ALMS1: variants seen among roughly 807,000 people sequenced by gnomAD.
ALMS1 encodes the protein ALMS1 centrosome and basal body associated protein.
A neutral mutation model predicts 352.2 loss-of-function variants in ALMS1; 271 were observed. The ratio of observed to expected loss-of-function variants is 0.77; its 90% CI spans 0.70 to 0.85. The LOEUF is 0.85. Among genes scored for constraint, ALMS1 ranks in the 40% least tolerant of loss-of-function variants. The probability of loss-of-function intolerance (pLI) is 0.00; values close to 1 mark genes in which losing one functional copy is unlikely to be tolerated. For synonymous variants in ALMS1, 1,865 were observed against 1,761.2 expected, an observed-to-expected ratio of 1.06 and a Z score of -1.48; for missense variants, 5,445 against 4,870.7, an observed-to-expected ratio of 1.12 and a Z score of -3.51.
At chr2:73,402,808 G>A (rs1056871078) in intron 1 of ALMS1, among the ~76,000 whole-genome samples, 1 of 151,948 alleles carries the variant, frequency 6.6e-6, no homozygotes, top group African/African-American at 2.4e-5. Context: ...ATGCTGATTG[G>A]CCATTTTTCT....
At position 73,428,769 on chromosome 2, in the gene ALMS1, A is replaced by G. The variant is rs144089751; in HGVS notation, c.1338+2216A>G. On this transcript the variant is annotated intron_variant, in intron 6 of 22. Transcript: ENST00000613296. ...TAGATCTAGGAGTTATTTAATGTCA[A>G]TATCAGAAAAGCAAGGAGCCAGATG... is the stretch of plus-strand genomic sequence containing the variant. Among the ~76,000 whole-genome samples, 22 of 152,270 alleles carry G rather than the reference A, an allele frequency of 1.4e-4. No homozygotes were observed. In the East Asian group the frequency reaches 3.9e-3, roughly 27 times the overall value.
rs1348825012 is a variant in ALMS1, at chr2:73,392,476, T to G, written c.324+6284T>G. Among the ~76,000 whole-genome samples, 5 of 152,322 alleles carry G rather than the reference T, an allele frequency of 3.3e-5. No homozygotes were observed. In the East Asian group the frequency reaches 9.6e-4, roughly 29 times the overall value. On this transcript the variant is annotated intron_variant, in intron 1 of 22. Coordinates refer to ENST00000613296, the MANE Select transcript of ALMS1 (RefSeq NM_001378454.1). The stretch of plus-strand genomic sequence containing the variant: ...GGTCAATTTTAGAACATTTTATCAC[T>G]TCTAAAAGAAACCCCATACACTTTA...
At chr2:73,553,709 GA>G (rs1674486419) in intron 13 of ALMS1, among the ~76,000 whole-genome samples, 1 of 152,126 alleles carries the variant, frequency 6.6e-6, no homozygotes, top group South Asian at 2.1e-4. Flanking sequence ...TAATCACTCA[GA>G]CCATTATTTA....
At chr2:73,589,700 A>C (rs1675384769) in intron 16 of ALMS1, among the ~76,000 whole-genome samples, 1 of 152,240 alleles carries the variant, frequency 6.6e-6, no homozygotes, top group South Asian at 2.1e-4. Flanking sequence ...AAGTATATCT[A>C]ATCACATAAT....
In ALMS1 at chr2:73,449,536, C is replaced by T. The variant is rs1572933379; in HGVS notation, c.3009C>T (p.Phe1003=). 6 of 1,613,934 alleles carry T rather than the reference C, an allele frequency of 3.7e-6. No homozygotes were observed. In the Admixed American group the frequency reaches 5.0e-5, roughly 13 times the overall value. The change falls in exon 8 of 23, where the codon TTC becomes TTT. Residue 1003 remains phenylalanine, a synonymous_variant. Transcript: ENST00000613296. ...CACCAACAGTACCTTCAGGTTCCTTCTCACATAGAGAGAAGCCCAGTATTT... is the reference window on the plus strand; with the variant it reads ...CACCAACAGTACCTTCAGGTTCCTTTTCACATAGAGAGAAGCCCAGTATTT... ...VPTPTVPSGS[F]SHREKPSIFY... is the part of the protein sequence containing the mutation.
intron 2 of ALMS1, among the ~76,000 whole-genome samples, chr2:73,412,248 C>G (rs1671093543): frequency 6.6e-6 from 1 of 152,192 alleles, no homozygotes; most frequent in African/African-American, 2.4e-5. Flanking sequence ...CCTTTGTAGT[C>G]AGTCACTTCC....
At chr2:73,520,514 C>T (rs1673654227) in intron 11 of ALMS1, among the ~76,000 whole-genome samples, 1 of 152,186 alleles carries the variant, frequency 6.6e-6, no homozygotes, top group East Asian at 1.9e-4. Flanking sequence ...AGGTTGTCTT[C>T]TTGCTCTGTT....
At chr2:73,604,086 A>G (rs1425771294) in intron 21 of ALMS1, 1 of 152,168 alleles carries the variant, frequency 6.6e-6, no homozygotes, top group Non-Finnish European at 1.5e-5. Context: ...GCCTATGTAG[A>G]TGTGTGTACT....
intron 7 of ALMS1, among the ~76,000 whole-genome samples, chr2:73,438,701 A>G (rs918747769): frequency 1.3e-5 from 2 of 152,256 alleles, no homozygotes; most frequent in African/African-American, 4.8e-5. Context: ...ATGGTACCTC[A>G]TGGAATACAA....
At chr2:73,439,078 T>C (rs1671663697) in intron 7 of ALMS1, among the ~76,000 whole-genome samples, 2 of 150,988 alleles carry the variant, frequency 1.3e-5, no homozygotes, top group South Asian at 4.2e-4. Flanking sequence ...TCTTCCTCTT[T>C]TTTCTTCTTT....
At chr2:73,527,707 A>C (rs1673821806) in intron 11 of ALMS1, among the ~76,000 whole-genome samples, 1 of 152,094 alleles carries the variant, frequency 6.6e-6, no homozygotes, top group African/African-American at 2.4e-5. Context: ...TCAACAAACA[A>C]ACTTTTTGTT....
Position 73,386,085 on chromosome 2 carries a change from G to C in ALMS1, c.217G>C (p.Asp73His). The C allele has an allele frequency of 6.3e-7, 1 of 1,596,860 alleles. No homozygotes were observed. The highest frequency in any genetic ancestry group is 8.5e-7 in the Non-Finnish European group (1 of 1,172,180). The change falls in exon 1 of 23, where the codon GAC (aspartate) becomes CAC (histidine). Residue 73 changes from aspartate to histidine, a missense_variant. Coordinates refer to ENST00000613296, the MANE Select transcript of ALMS1 (RefSeq NM_001378454.1). The part of the protein sequence containing the change: ...QHLESIDDEE[D>H]EEAKAWLQAH... ...TCTGGAAAGTATAGACGACGAGGAG[G>C]ACGAGGAGGCCAAGGCCTGGCTGCA...
intron 7 of ALMS1, among the ~76,000 whole-genome samples, chr2:73,435,462 A>T (rs913730755): frequency 6.6e-6 from 1 of 151,882 alleles, no homozygotes; most frequent in African/African-American, 2.4e-5. Flanking sequence ...TCTTATCAGA[A>T]TATACTTCTG....
At position 73,573,521 on chromosome 2, in the gene ALMS1, C is replaced by T. The variant is rs992927498; in HGVS notation, c.11547+97C>T. The stretch of plus-strand genomic sequence containing the variant: ...CAGGTGAAAAAAACAAGCCATTTGC[C>T]CTTTCCTCTCTATACCATTTCTTAC... On this transcript the variant is annotated intron_variant, in intron 16 of 22. Coordinates refer to ENST00000613296, the MANE Select transcript of ALMS1 (RefSeq NM_001378454.1). 3.6e-5 allele frequency: 45 copies of T among 1,265,884 alleles called. No individual in the cohort carries two copies. In the Middle Eastern group the frequency reaches 1.1e-3, roughly 31 times the overall value. The allele number at this position is 1,265,884 out of a possible 1,614,324, so 78.4% of individuals were successfully genotyped here. A position where few individuals can be genotyped will look rare whatever the true frequency, so the allele number is the denominator to read the frequency against.
intron 10 of ALMS1, among the ~76,000 whole-genome samples, chr2:73,497,180 G>C (rs1018852024): frequency 1.3e-5 from 2 of 151,996 alleles, no homozygotes; most frequent in African/African-American, 4.8e-5. Context: ...AAAATTCATA[G>C]TCATTTGAGT....
intron 10 of ALMS1, 122 bp downstream of exon 10, chr2:73,491,620 C>G: frequency 1.9e-6 from 2 of 1,044,454 alleles, no homozygotes; most frequent in Non-Finnish European, 2.9e-6. Flanking sequence ...GAGGTTGTGT[C>G]TGGCTAATTA....
chr2:73,540,151 C>T (rs1369008526), intron 12 of ALMS1, among the ~76,000 whole-genome samples: 2 of 152,200 alleles, frequency 1.3e-5, no homozygotes, highest in African/African-American at 2.4e-5. Flanking sequence ...AAGGGAAGCC[C>T]ATCAGACTAA....
Position 73,601,346 on chromosome 2 carries a change from G to A in ALMS1, c.12024G>A (p.Gly4008=), listed in dbSNP as rs758602294. 20 of 1,614,190 alleles carry A rather than the reference G, an allele frequency of 1.2e-5. No homozygotes were observed. The South Asian group carries it at 2.1e-4, about 17-fold the overall frequency. ...REPLREQNCQ[G]QHLDGRGYLA... ...CACTGCGGGAGCAGAACTGTCAGGGGCAGCACCTGGACGGTCGGGGCTACC... is the reference window on the plus strand; with the variant it reads ...CACTGCGGGAGCAGAACTGTCAGGGACAGCACCTGGACGGTCGGGGCTACC... The change falls in exon 19 of 23, where the codon GGG becomes GGA. Residue 4008 remains glycine, a synonymous_variant. Coordinates refer to ENST00000613296, the MANE Select transcript of ALMS1 (RefSeq NM_001378454.1).
At chr2:73,411,888 A>G (rs927920378) in intron 2 of ALMS1, among the ~76,000 whole-genome samples, 1 of 152,166 alleles carries the variant, frequency 6.6e-6, no homozygotes, top group Non-Finnish European at 1.5e-5. Context: ...TACTCATCCC[A>G]TGATCACAGT....
Sources: gnomAD v4.1 joint callset for allele counts (sites outside exome capture counted in the v4.1 genomes callset) on GRCh38, gnomAD v4.1.1 for gene constraint, MANE v1.5 for transcripts, NCBI Gene and HGNC (gene_info 2026-07-23, HGNC 2026-07-21) for gene names.